EIF4G3: variants seen among roughly 807,000 people sequenced by gnomAD.
EIF4G3 encodes eukaryotic translation initiation factor 4 gamma 3.
Under a neutral mutation model 186.4 loss-of-function variants are expected in EIF4G3, and 34 were observed. The observed-to-expected ratio is 0.18, with a 90% confidence interval of 0.14 to 0.24. The LOEUF (loss-of-function observed/expected upper bound fraction) is 0.24, where lower values mean the gene tolerates loss of function less well. Ranked by LOEUF, EIF4G3 falls within the 10% of genes least tolerant of loss-of-function variation. The probability of loss-of-function intolerance (pLI) is 1.00; values close to 1 mark genes in which losing one functional copy is unlikely to be tolerated. For synonymous variants in EIF4G3, 673 were observed against 679.5 expected, an observed-to-expected ratio of 0.99 and a Z score of 0.15; for missense variants, 1,536 against 1,948.5, an observed-to-expected ratio of 0.79 and a Z score of 3.99.
chr1:21,156,567 G>T (rs1016558072), intron 2 of EIF4G3, among the ~76,000 whole-genome samples: 1 of 152,050 alleles, frequency 6.6e-6, no homozygotes, highest in African/African-American at 2.4e-5. Context: ...TCAAAACAAC[G>T]TATAAAATTA....
intron 2 of EIF4G3, among the ~76,000 whole-genome samples, chr1:21,145,342 A>AC (rs1558172864): frequency 6.6e-6 from 1 of 150,920 alleles, no homozygotes; most frequent in Non-Finnish European, 1.5e-5. Context: ...AACAAAAAAA[A>AC]CCCTAGGGTT....
chr1:20,847,224 A>C (rs2071415662), intron 29 of EIF4G3, among the ~76,000 whole-genome samples: 1 of 152,246 alleles, frequency 6.6e-6, no homozygotes, highest in Admixed American at 6.5e-5. Context: ...AGGACAATAC[A>C]AACTAATACA....
At chr1:20,911,333 TGAG>T (rs1353037633) in intron 14 of EIF4G3, among the ~76,000 whole-genome samples, 1 of 151,894 alleles carries the variant, frequency 6.6e-6, no homozygotes, top group Non-Finnish European at 1.5e-5. Flanking sequence ...TTTTGGAGGC[TGAG>T]GAGGGAAGAC....
intron 20 of EIF4G3, among the ~76,000 whole-genome samples, chr1:20,870,343 A>C (rs1003779213): frequency 6.6e-6 from 1 of 152,210 alleles, no homozygotes; most frequent in African/African-American, 2.4e-5. Context: ...AGAATGCTTA[A>C]AAATCTGCCT....
At chr1:21,037,095 A>G (rs2093266931) in intron 4 of EIF4G3, among the ~76,000 whole-genome samples, 1 of 152,178 alleles carries the variant, frequency 6.6e-6, no homozygotes. Flanking sequence ...ATGACAGAAC[A>G]GCTGGAATAT....
intron 19 of EIF4G3, among the ~76,000 whole-genome samples, chr1:20,883,866 A>G (rs1372626598): frequency 6.6e-6 from 1 of 152,188 alleles, no homozygotes; most frequent in Non-Finnish European, 1.5e-5. Flanking sequence ...AAAAGCTCGA[A>G]TGGAAAGACA....
chr1:21,048,595 A>G (rs1007462651), intron 4 of EIF4G3, among the ~76,000 whole-genome samples: 4 of 152,168 alleles, frequency 2.6e-5, no homozygotes, highest in Admixed American at 2.6e-4. Context: ...AGCAAGCAAC[A>G]GTACCCAGCA....
intron 2 of EIF4G3, among the ~76,000 whole-genome samples, chr1:21,100,028 A>G (rs1359011677): frequency 6.6e-6 from 1 of 152,224 alleles, no homozygotes; most frequent in Non-Finnish European, 1.5e-5. Context: ...TTTATTTGGC[A>G]ATAAAAAGAA....
intron 13 of EIF4G3, among the ~76,000 whole-genome samples, chr1:20,943,802 C>T (rs1310357317): frequency 6.6e-6 from 1 of 152,070 alleles, no homozygotes; most frequent in Non-Finnish European, 1.5e-5. Context: ...ACTTATTAGC[C>T]TTAAAATATA....
intron 7 of EIF4G3, among the ~76,000 whole-genome samples, chr1:20,994,874 A>G (rs1481989997): frequency 6.6e-6 from 1 of 152,054 alleles, no homozygotes; most frequent in Non-Finnish European, 1.5e-5. Context: ...CTGGGGCTCA[A>G]GCGATCCACC....
chr1:21,158,986 G>A (rs1379009913), intron 2 of EIF4G3, among the ~76,000 whole-genome samples: 3 of 150,522 alleles, frequency 2.0e-5, no homozygotes, highest in Admixed American at 2.0e-4. Flanking sequence ...CAAAAAAAAG[G>A]GCAAAAAAAG....
intron 13 of EIF4G3, among the ~76,000 whole-genome samples, chr1:20,945,158 A>G (rs2095883039): frequency 1.3e-5 from 2 of 152,066 alleles, no homozygotes; most frequent in Non-Finnish European, 2.9e-5. Flanking sequence ...AAAAACACTT[A>G]TTTTATCCCT....
intron 2 of EIF4G3, chr1:21,168,127 G>T (rs955908389): frequency 4.4e-6 from 2 of 456,212 alleles, no homozygotes; most frequent in African/African-American, 2.0e-5. Context: ...CTCTTGGCTG[G>T]GTGTGGTGGC....
At chr1:20,880,923 C>T (rs891659673) in intron 19 of EIF4G3, among the ~76,000 whole-genome samples, 1 of 152,092 alleles carries the variant, frequency 6.6e-6, no homozygotes, top group African/African-American at 2.4e-5. Context: ...TAATCCAAAT[C>T]CTAATAGGGC....
At chr1:21,044,371 C>G (rs2093752407) in intron 4 of EIF4G3, among the ~76,000 whole-genome samples, 1 of 152,126 alleles carries the variant, frequency 6.6e-6, no homozygotes, top group African/African-American at 2.4e-5. Flanking sequence ...AGCTCAAATA[C>G]TGCCTTAGAT....
chr1:21,096,919 G>A (rs550519350), intron 2 of EIF4G3, among the ~76,000 whole-genome samples: 1 of 152,306 alleles, frequency 6.6e-6, no homozygotes, highest in East Asian at 1.9e-4. Context: ...AAGTTTCAGT[G>A]ATGGAACTTA....
intron 3 of EIF4G3, among the ~76,000 whole-genome samples, chr1:21,066,118 C>A (rs11808351): frequency 0.09 from 13,646 of 151,868 alleles, 860 homozygotes; most frequent in East Asian, 0.26. Flanking sequence ...CATGATCATA[C>A]CACTGGGCAA....
chr1:20,865,226 C>G lies in EIF4G3; in HGVS notation c.2659G>C (p.Val887Leu). ...TTCAGTAGCAGCTTCCGGAAATTCA[C>G]TGTGTTACCAGGCTTGTCTGCCATG... ...VPMADKPGNT[V>L]NFRKLLLNRC... is the part of the protein sequence containing the mutation. The change falls in exon 21 of 37, where the codon GTG becomes CTG. Residue 887 changes from valine (V) to leucine (L), a missense_variant. Val to Leu is a conservative substitution (Grantham distance 32). Transcript: ENST00000602326. 1 of 1,614,118 alleles carries G rather than the reference C, an allele frequency of 6.2e-7. No individual in the cohort carries two copies. The highest frequency in any genetic ancestry group is 8.5e-7 in the Non-Finnish European group (1 of 1,179,996).
chr1:21,086,199 CTTT>C (rs397979515), intron 3 of EIF4G3, among the ~76,000 whole-genome samples: 4 of 95,218 alleles, frequency 4.2e-5, no homozygotes, highest in East Asian at 3.0e-4. Flanking sequence ...ACATGATACT[CTTT>C]TTTTTTTTTT....
Sources: gnomAD v4.1 joint callset for allele counts (sites outside exome capture counted in the v4.1 genomes callset) on GRCh38, gnomAD v4.1.1 for gene constraint, MANE v1.5 for transcripts, NCBI Gene and HGNC (gene_info 2026-07-23, HGNC 2026-07-21) for gene names.